DNAJC1: variants seen among roughly 807,000 people sequenced by gnomAD.
DNAJC1 encodes the protein DnaJ heat shock protein family (Hsp40) member C1.
DNAJC1 carries 58 observed loss-of-function variants against 76.6 expected under a neutral mutation model. That is an observed-to-expected ratio of 0.76 (90% CI 0.61 to 0.94). The LOEUF is 0.94. Among genes scored for constraint, DNAJC1 ranks in the 40% least tolerant of loss-of-function variants. The pLI is 0.00. For missense variants in DNAJC1, 689 were observed against 677.3 expected, an observed-to-expected ratio of 1.02 and a Z score of -0.19; for synonymous variants, 258 against 267.9, an observed-to-expected ratio of 0.96 and a Z score of 0.36.
At chr10:21,976,529 T>C (rs1458588062) in intron 1 of DNAJC1, among the ~76,000 whole-genome samples, 2 of 152,230 alleles carry the variant, frequency 1.3e-5, no homozygotes, top group Non-Finnish European at 2.9e-5. Flanking sequence ...TATTTGTCAC[T>C]GAATCTTTGT....
chr10:21,784,909 G>T (rs1387632255), intron 9 of DNAJC1, among the ~76,000 whole-genome samples: 1 of 152,054 alleles, frequency 6.6e-6, no homozygotes, highest in Non-Finnish European at 1.5e-5. Flanking sequence ...ATGGGGTGGG[G>T]GGCAGGGGGA....
At chr10:21,820,626 C>T (rs1835142370) in intron 8 of DNAJC1, among the ~76,000 whole-genome samples, 1 of 152,200 alleles carries the variant, frequency 6.6e-6, no homozygotes. Context: ...GAGACAGTGT[C>T]AGATCCCACA....
chr10:21,816,593 T>C (rs1436102420), intron 8 of DNAJC1, among the ~76,000 whole-genome samples: 1 of 148,440 alleles, frequency 6.7e-6, no homozygotes, highest in African/African-American at 2.5e-5. Context: ...TCACCCAGGC[T>C]GGAGTGCAGT....
intron 8 of DNAJC1, among the ~76,000 whole-genome samples, chr10:21,867,597 G>A (rs1836023392): frequency 6.6e-6 from 1 of 152,078 alleles, no homozygotes; most frequent in Admixed American, 6.5e-5. Flanking sequence ...GCTGCAGCTA[G>A]GGACCGATAA....
At chr10:21,942,826 A>G (rs1449441014) in intron 1 of DNAJC1, among the ~76,000 whole-genome samples, 1 of 146,700 alleles carries the variant, frequency 6.8e-6, no homozygotes, top group Non-Finnish European at 1.5e-5. Context: ...AAAAAAAAAG[A>G]AAGAAAGAAA....
intron 1 of DNAJC1, among the ~76,000 whole-genome samples, chr10:21,962,702 T>C (rs1263463133): frequency 6.6e-6 from 1 of 150,412 alleles, no homozygotes; most frequent in African/African-American, 2.4e-5. Context: ...CAGGCGGGTC[T>C]TGAACTCCAC....
At chr10:21,837,645 G>A (rs972626322) in intron 8 of DNAJC1, among the ~76,000 whole-genome samples, 2 of 148,730 alleles carry the variant, frequency 1.3e-5, no homozygotes, top group African/African-American at 5.0e-5. Context: ...CAGCCACCCT[G>A]TCTAGGAAGT....
At chr10:21,779,064 GC>G (rs1158869590) in intron 9 of DNAJC1, among the ~76,000 whole-genome samples, 1 of 152,248 alleles carries the variant, frequency 6.6e-6, no homozygotes, top group Non-Finnish European at 1.5e-5. Flanking sequence ...GCCTGCCATT[GC>G]TGAGGCTTGA....
intron 1 of DNAJC1, among the ~76,000 whole-genome samples, chr10:21,993,854 C>G (rs916160032): frequency 6.6e-6 from 1 of 152,098 alleles, no homozygotes; most frequent in Non-Finnish European, 1.5e-5. Flanking sequence ...TATTTTCCCA[C>G]TTCTCTAAAA....
chr10:21,996,937 G>T (rs1838424328), intron 1 of DNAJC1, among the ~76,000 whole-genome samples: 1 of 152,110 alleles, frequency 6.6e-6, no homozygotes, highest in African/African-American at 2.4e-5. Context: ...GCCTACATCA[G>T]AAATATAAAT....
chr10:21,793,443 T>TAGATGTACTGTAC, intron 9 of DNAJC1, among the ~76,000 whole-genome samples: 1 of 152,326 alleles, frequency 6.6e-6, no homozygotes, highest in African/African-American at 2.4e-5. Flanking sequence ...CTGTATAATA[T>TAGATGTACTGTAC]TGTACTAGAT....
intron 8 of DNAJC1, among the ~76,000 whole-genome samples, chr10:21,874,941 T>G (rs1301960136): frequency 6.6e-6 from 1 of 152,104 alleles, no homozygotes; most frequent in Non-Finnish European, 1.5e-5. Context: ...AGAGCAGTGG[T>G]GTGATCTTGG....
chr10:21,886,571 A>G lies in DNAJC1; in HGVS notation c.821-4132T>C, dbSNP rs1341451144. 2.6e-5 allele frequency among the ~76,000 whole-genome samples: 4 copies of G among 151,936 alleles called. No homozygotes were observed. The East Asian group carries it at 7.7e-4, about 29-fold the overall frequency. On this transcript the variant is annotated intron_variant, in intron 7 of 11. Transcript: ENST00000376980. The stretch of plus-strand genomic sequence containing the variant: ...ATCCTTGATTAACAGTGATGCAAAA[A>G]TTACAAAATATTTGCAAACTGAATC...
At chr10:21,956,857 T>C (rs1837695006) in intron 1 of DNAJC1, among the ~76,000 whole-genome samples, 1 of 147,362 alleles carries the variant, frequency 6.8e-6, no homozygotes, top group Non-Finnish European at 1.5e-5. Flanking sequence ...CACACACAAG[T>C]AGGTGTAAAT....
At chr10:21,958,448 A>C (rs1014923219) in intron 1 of DNAJC1, among the ~76,000 whole-genome samples, 1 of 143,156 alleles carries the variant, frequency 7.0e-6, no homozygotes, top group Non-Finnish European at 1.5e-5. Flanking sequence ...TTTTTTTTTG[A>C]GACGGAGTCT....
At chr10:21,796,330 G>A (rs1250599667) in intron 9 of DNAJC1, among the ~76,000 whole-genome samples, 1 of 151,946 alleles carries the variant, frequency 6.6e-6, no homozygotes, top group Non-Finnish European at 1.5e-5. Flanking sequence ...ATCTTCTCTA[G>A]CCATCCATCC....
chr10:21,905,528 GA>G (rs1451294779), intron 6 of DNAJC1, among the ~76,000 whole-genome samples: 1 of 152,038 alleles, frequency 6.6e-6, no homozygotes, highest in African/African-American at 2.4e-5. Context: ...ATTAATCCCT[GA>G]AAACCCATTC....
intron 1 of DNAJC1, among the ~76,000 whole-genome samples, chr10:21,977,085 C>T (rs969889617): frequency 6.6e-6 from 1 of 152,070 alleles, no homozygotes; most frequent in African/African-American, 2.4e-5. Context: ...CTTCTTTGTA[C>T]GTAGGTAGAG....
At chr10:21,882,165 A>C (rs987702847) in intron 8 of DNAJC1, 117 bp downstream of exon 8, 24 of 1,010,300 alleles carry the variant, frequency 2.4e-5, no homozygotes, top group Non-Finnish European at 3.0e-5. Context: ...AACAAAACAA[A>C]ACAATAGTAT....
Sources: gnomAD v4.1 joint callset for allele counts (sites outside exome capture counted in the v4.1 genomes callset) on GRCh38, gnomAD v4.1.1 for gene constraint, MANE v1.5 for transcripts, NCBI Gene and HGNC (gene_info 2026-07-23, HGNC 2026-07-21) for gene names.